PLA2G4B: variants seen among roughly 807,000 people sequenced by gnomAD.
PLA2G4B encodes cytosolic phospholipase A2 beta.
A neutral mutation model predicts 95.8 loss-of-function variants in PLA2G4B; 122 were observed. That is an observed-to-expected ratio of 1.27 (90% CI 1.10 to 1.48). PLA2G4B has a LOEUF of 1.48. Ranked by LOEUF, PLA2G4B falls within the 40% of genes most tolerant of loss-of-function variation. The pLI, the probability that PLA2G4B is intolerant of heterozygous loss-of-function variation, is 0.00. For synonymous variants in PLA2G4B, 518 were observed against 421.5 expected (o/e 1.23, Z -2.80); for missense variants, 1,158 against 996.2 (o/e 1.16, Z -2.19).
In PLA2G4B at chr15:41,845,836, G is replaced by C. The variant is rs2065532520; in HGVS notation, c.1495+61G>C. 7.8e-6 allele frequency: 12 copies of C among 1,543,234 alleles called. No homozygotes were observed. In the African/African-American group the frequency reaches 1.4e-4, roughly 18 times the overall value. On this transcript the variant is annotated intron_variant, in intron 15 of 19. Transcript: ENST00000458483. ...AGCAGGGAAAATGGGTCCTGGGTGA[G>C]AGGGCAGCCTCGGTCAGAAGAGTTT...
In PLA2G4B at chr15:41,842,229, G is replaced by A; in HGVS notation, c.658G>A (p.Ala220Thr). ...GGAGCAACTAAAGGCGCCACTGAGT[G>A]CCCTGCCCTCTGGTCAAGTGGTGAG... is the stretch of plus-strand genomic sequence containing the variant. ...PEEQLKAPLS[A>T]LPSGQVVRLV... Residue 220 changes from alanine (A) to threonine (T), a missense_variant, in exon 9 of 20, where the codon GCC becomes ACC. Physicochemically the swap from Ala to Thr is moderately conservative, Grantham distance 58. Transcript: ENST00000458483. The A allele has an allele frequency of 6.2e-7, 1 of 1,614,124 alleles. No homozygotes were observed. Among genetic ancestry groups the A allele is most frequent in the Non-Finnish European group, 8.5e-7 (1 of 1,180,018 alleles).
rs190180946 is a variant in PLA2G4B, at chr15:41,845,074, C to T, written c.1239+4C>T. 41 of 1,594,884 alleles carry T rather than the reference C, an allele frequency of 2.6e-5. No homozygotes were observed. The East Asian group carries it at 4.1e-4, about 16-fold the overall frequency. ...CGAGGCGCTGCTGCATGATGAGGTG[C>T]GGGGGCTGCGGCCTGGGGGCAGAGC... On this transcript the variant is annotated splice_donor_region_variant and intron_variant, in intron 13 of 19. Transcript: ENST00000458483.
rs773261998 is a variant in PLA2G4B at position 41,847,841 on chromosome 15, G to T, written c.2327G>T (p.Arg776Leu). ...CTGCGCCAGGCAGTGCAGCGGAGGCGGCAGCGCAGGCCCCACTGATGGCCG... is the reference window on the plus strand; with the variant it reads ...CTGCGCCAGGCAGTGCAGCGGAGGCTGCAGCGCAGGCCCCACTGATGGCCG... ...EALRQAVQRR[R>L]QRRPH The change falls in exon 20 of 20, where the codon CGG (arginine) becomes CTG (leucine). Residue 776 changes from arginine to leucine, a missense_variant. Coordinates refer to ENST00000458483, the MANE Select transcript of PLA2G4B (RefSeq NM_001114633.2). 6.2e-7 allele frequency: 1 copy of T among 1,612,778 alleles called. No homozygotes were observed. The highest frequency in any genetic ancestry group is 1.7e-5 in the Admixed American group (1 of 60,020).
chr15:41,840,930 C>G, intron 4 of PLA2G4B, 25 bp downstream of exon 4: 1 of 1,606,280 alleles, frequency 6.2e-7, no homozygotes, highest in Non-Finnish European at 8.5e-7. Flanking sequence ...CCACGGCAGC[C>G]CTAGCTGGTG....
At position 41,846,290 on chromosome 15, in the gene PLA2G4B, G is replaced by A. The variant is rs1045496695; in HGVS notation, c.1688G>A (p.Trp563Ter). 6.2e-7 allele frequency: 1 copy of A among 1,613,926 alleles called. No homozygotes were observed. Among genetic ancestry groups the A allele is most frequent in the Non-Finnish European group, 8.5e-7 (1 of 1,179,950 alleles). Residue 563 changes from tryptophan to a stop codon, truncating the protein, a stop_gained, in exon 17 of 20, where the codon TGG (tryptophan) becomes TAG (stop). Transcript: ENST00000458483. LOFTEE classifies it high-confidence loss of function. The part of the protein sequence containing the change: ...IAEFFTDLLT[W>*]RPLAQATHNF... ...GAGTTTTTCACCGATCTTCTGACGT[G>A]GCGTCCACTGGCCCAGGCCACACAT...
At position 41,841,810 on chromosome 15, in the gene PLA2G4B, T is replaced by C. The variant is rs1275405777; in HGVS notation, c.491-9T>C. ...TCCCCAGCCTCTCTGCTCTGGTTCCTGTTTCCAGCCTCAGAGCACAGAGTT... is the reference window on the plus strand; with the variant it reads ...TCCCCAGCCTCTCTGCTCTGGTTCCCGTTTCCAGCCTCAGAGCACAGAGTT... On this transcript the variant is annotated splice_polypyrimidine_tract_variant and intron_variant, in intron 7 of 19. Transcript: ENST00000458483. 1 of 1,612,900 alleles carries C rather than the reference T, an allele frequency of 6.2e-7. No homozygotes were observed. Among genetic ancestry groups the C allele is most frequent in the South Asian group, 1.1e-5 (1 of 90,820 alleles).
At position 41,843,671 on chromosome 15, in the gene PLA2G4B, G is replaced by A. The variant is rs753378962; in HGVS notation, c.744-5G>A. ...TGTCTCACAGTCTCTTCCTTCCCCG[G>A]CCAGACTGAGGGAGCTGGCCGTGCG... On this transcript the variant is annotated splice_region_variant and splice_polypyrimidine_tract_variant and intron_variant, in intron 10 of 19. Transcript: ENST00000458483. The A allele has an allele frequency of 1.9e-6, 3 of 1,612,648 alleles. No homozygotes were observed. The highest frequency in any genetic ancestry group is 3.3e-5 in the Admixed American group (2 of 59,944).
intron 1 of PLA2G4B, 138 bp downstream of exon 1, chr15:41,839,060 C>T (rs975593449): frequency 3.0e-5 from 19 of 639,096 alleles, no homozygotes; most frequent in Middle Eastern, 2.6e-4. Flanking sequence ...ACCAGGGTAG[C>T]GGGCAGAAGC....
At position 41,841,538 on chromosome 15, in the gene PLA2G4B, C is replaced by T; in HGVS notation, c.457C>T (p.His153Tyr). Residue 153 changes from histidine to tyrosine, a missense_variant, in exon 7 of 20, where the codon CAC (histidine) becomes TAC (tyrosine). Physicochemically the swap from His to Tyr is moderately conservative, Grantham distance 83 (BLOSUM62 2). Coordinates refer to ENST00000458483, the MANE Select transcript of PLA2G4B (RefSeq NM_001114633.2). ...VLVARELSCL[H>Y]VQLEETGDQK... is the part of the protein sequence containing the mutation. ...TCAGGCCCGGGAGCTCTCCTGCTTG[C>T]ACGTTCAACTGGAGGAGACAGGAGA... 1 of 1,614,106 alleles carries T rather than the reference C, an allele frequency of 6.2e-7. No individual in the cohort carries two copies. The highest frequency in any genetic ancestry group is 8.5e-7 in the Non-Finnish European group (1 of 1,180,004).
Position 41,847,451 on chromosome 15 carries a change from A to C in PLA2G4B, c.2062A>C (p.Thr688Pro), listed in dbSNP as rs1222225217. 6.2e-7 allele frequency: 1 copy of C among 1,612,872 alleles called. No homozygotes were observed. The highest frequency in any genetic ancestry group is 1.7e-5 in the Admixed American group (1 of 59,942). The change falls in exon 19 of 20, where the codon ACC (threonine) becomes CCC (proline). Residue 688 changes from threonine to proline, a missense_variant. Transcript: ENST00000458483. ...GGAGTGCCACACCTTCTCCGACCCCACCTGCCCCGGAGCCCCTGCGGTGCT... is the reference window on the plus strand; with the variant it reads ...GGAGTGCCACACCTTCTCCGACCCCCCCTGCCCCGGAGCCCCTGCGGTGCT... ...PRECHTFSDP[T>P]CPGAPAVLHF... is the part of the protein sequence containing the mutation.
rs2065563084 is a variant in PLA2G4B, at chr15:41,846,851, CAGCCCACCAGGGAGGCGGTGGGT to C, written c.1947+17_1947+39del. On this transcript the variant is annotated intron_variant, in intron 18 of 19. Coordinates refer to ENST00000458483, the MANE Select transcript of PLA2G4B (RefSeq NM_001114633.2). ...AGCCTTCCAGGTTGGGAAGGGTGGG[CAGCCCACCAGGGAGGCGGTGGGT>C]GGCCCCTGTCCCCTGAAGAGAGGGG... 6.3e-7 allele frequency: 1 copy of C among 1,594,732 alleles called. No individual in the cohort carries two copies. Among genetic ancestry groups the C allele is most frequent in the East Asian group, 2.3e-5 (1 of 44,394 alleles).
At chr15:41,844,818 C>T in intron 12 of PLA2G4B, 30 bp from the exon 13 acceptor site, 1 of 1,576,094 alleles carries the variant, frequency 6.3e-7, no homozygotes, top group Non-Finnish European at 8.6e-7. Flanking sequence ...TCAGTGACAG[C>T]CCTCTGGCTT....
In PLA2G4B at chr15:41,845,185, C is replaced by G. The variant is rs774134019; in HGVS notation, c.1240-18C>G. 1.1e-5 allele frequency: 17 copies of G among 1,613,918 alleles called. No individual in the cohort carries two copies. Among genetic ancestry groups the G allele is most frequent in the Non-Finnish European group, 1.4e-5 (16 of 1,179,960 alleles). ...ACCCAGGCCGCTGTGGGTTTAGGTT[C>G]TACGCATCTTTCCCCAGCCCCATGA... On this transcript the variant is annotated intron_variant, in intron 13 of 19. Transcript: ENST00000458483.
At chr15:41,839,977 C>T (rs888637322) in intron 1 of PLA2G4B, 181 bp from the exon 2 acceptor site, 63 of 693,112 alleles carry the variant, frequency 9.1e-5, no homozygotes, top group Middle Eastern at 5.2e-4. Context: ...TGTGTAAGTG[C>T]TGGCAGGCGT....
intron 6 of PLA2G4B, 53 bp downstream of exon 6, chr15:41,841,326 T>G: frequency 6.2e-7 from 1 of 1,611,450 alleles, no homozygotes; most frequent in South Asian, 1.1e-5. Flanking sequence ...GACTCCCTCA[T>G]GCCAGCGACT....
rs778032122 is a variant in PLA2G4B, at chr15:41,845,331, C to T, written c.1357+11C>T. On this transcript the variant is annotated intron_variant, in intron 14 of 19. Coordinates refer to ENST00000458483, the MANE Select transcript of PLA2G4B (RefSeq NM_001114633.2). ...CTTTTGAATTTGGGGGTGAGTGGCC[C>T]AAGAGCTGAGACCTGTGCCCTTGCA... is the stretch of plus-strand genomic sequence containing the variant. The T allele has an allele frequency of 9.9e-6, 16 of 1,613,016 alleles. No individual in the cohort carries two copies. The highest frequency in any genetic ancestry group is 1.3e-5 in the African/African-American group (1 of 74,916).
chr15:41,840,276 G>T (rs372691513), intron 2 of PLA2G4B, 46 bp downstream of exon 2: 24 of 1,588,174 alleles, frequency 1.5e-5, no homozygotes, highest in Non-Finnish European at 2.0e-5. Context: ...GAGGGAGGAG[G>T]AGGGTGCTGA....
Position 41,841,235 on chromosome 15 carries a change from G to A in PLA2G4B, c.397G>A (p.Asp133Asn). 1.2e-6 allele frequency: 2 copies of A among 1,613,898 alleles called. No homozygotes were observed. Among genetic ancestry groups the A allele is most frequent in the South Asian group, 2.2e-5 (2 of 91,060 alleles). ...GGCTCTGGGGGCTCTTTCCAGGGCT[G>A]ACCGTGGCGAGTGGCTCGTCAGCAA... The part of the protein sequence containing the change: ...EVEFRLQSLA[D>N]RGEWLVSNGV... The change falls in exon 6 of 20, where the codon GAC becomes AAC. Residue 133 changes from aspartate to asparagine, a missense_variant. Asp to Asn is a conservative substitution (Grantham distance 23, BLOSUM62 1). Transcript: ENST00000458483.
intron 2 of PLA2G4B, 109 bp from the exon 3 acceptor site, chr15:41,840,415 C>T: frequency 1.3e-6 from 2 of 1,594,646 alleles, no homozygotes; most frequent in Admixed American, 1.7e-5. Flanking sequence ...CCCCACTTCC[C>T]CTCCCCCTCA....
Sources: allele counts gnomAD v4.1 joint callset, GRCh38; gene constraint gnomAD v4.1.1; transcripts MANE v1.5; gene names NCBI Gene and HGNC (gene_info 2026-07-23, HGNC 2026-07-21).